Variants in GLIS3 observed in about 807,000 individuals in gnomAD.
The protein encoded by GLIS3 is GLIS family zinc finger 3.
Under a neutral mutation model 78.6 loss-of-function variants are expected in GLIS3, and 53 were observed. The ratio of observed to expected loss-of-function variants is 0.67; its 90% CI spans 0.54 to 0.85. The LOEUF (loss-of-function observed/expected upper bound fraction) is 0.85, where lower values mean the gene tolerates loss of function less well. GLIS3 is among the 40% of genes least tolerant of loss of function. The pLI, the probability that GLIS3 is intolerant of heterozygous loss-of-function variation, is 0.00. For missense variants in GLIS3, 1,703 were observed against 1,231.1 expected (o/e 1.38, Z -5.74); for synonymous variants, 684 against 509.9 (o/e 1.34, Z -4.60).
the GLIS3 span, among the ~76,000 whole-genome samples, chr9:4,478,042 T>A: frequency 3.9e-5 from 6 of 152,292 alleles, no homozygotes; most frequent in South Asian, 1.0e-3. Flanking sequence ...CTATTTCCCA[T>A]GAACCGGAAC....
At chr9:4,123,975 G>A in intron 3 of GLIS3, 1 of 388,292 alleles carries the variant, frequency 2.6e-6, no homozygotes, top group African/African-American at 2.1e-5. Context: ...TGCCCCCAAT[G>A]TATAAAACGC....
chr9:4,172,651 T>A (rs1052901392), intron 2 of GLIS3, among the ~76,000 whole-genome samples: 3 of 152,192 alleles, frequency 2.0e-5, no homozygotes, highest in African/African-American at 7.2e-5. Context: ...GGATGTGTCA[T>A]CTGAAATGAA....
At chr9:3,896,871 C>G (rs1822881730) in intron 7 of GLIS3, among the ~76,000 whole-genome samples, 1 of 152,036 alleles carries the variant, frequency 6.6e-6, no homozygotes, top group African/African-American at 2.4e-5. Context: ...AGGAGGCAAA[C>G]CTACCACAGC....
At chr9:4,478,791 T>C in the GLIS3 span, among the ~76,000 whole-genome samples, 1 of 152,190 alleles carries the variant, frequency 6.6e-6, no homozygotes, top group South Asian at 2.1e-4. Flanking sequence ...TTAGAATGAA[T>C]TTTTTAAAGG....
At chr9:4,361,460 C>T in the GLIS3 span, among the ~76,000 whole-genome samples, 2 of 152,318 alleles carry the variant, frequency 1.3e-5, no homozygotes, top group Non-Finnish European at 2.9e-5. Context: ...GACAACAGTT[C>T]ATATAAATAC....
chr9:4,214,779 G>C (rs752746032), intron 2 of GLIS3, among the ~76,000 whole-genome samples: 1 of 152,152 alleles, frequency 6.6e-6, no homozygotes, highest in South Asian at 2.1e-4. Flanking sequence ...ACACCATTGA[G>C]ATTACAAATT....
intron 4 of GLIS3, chr9:4,070,765 C>T (rs1827529981): frequency 1.3e-5 from 2 of 152,116 alleles, no homozygotes; most frequent in East Asian, 3.9e-4. Flanking sequence ...ATTATGCAAT[C>T]AACTAATCAA....
At chr9:4,356,499 G>T in the GLIS3 span, among the ~76,000 whole-genome samples, 2 of 152,184 alleles carry the variant, frequency 1.3e-5, no homozygotes, top group Admixed American at 1.3e-4. Context: ...TGGACAATGG[G>T]AATGACTGAC....
At chr9:3,913,291 T>C (rs114397461) in intron 6 of GLIS3, among the ~76,000 whole-genome samples, 1,739 of 152,368 alleles carry the variant, frequency 0.011, 37 homozygotes, top group African/African-American at 0.04. Context: ...TTGAAGACTG[T>C]CGTTTCAATG....
chr9:4,278,746 C>G (rs898139585), intron 2 of GLIS3, among the ~76,000 whole-genome samples: 4 of 152,184 alleles, frequency 2.6e-5, no homozygotes, highest in African/African-American at 9.7e-5. Context: ...GATATTCGCA[C>G]AAGGTTACTT....
At chr9:3,858,745 G>C (rs1434075243) in intron 8 of GLIS3, among the ~76,000 whole-genome samples, 1 of 152,106 alleles carries the variant, frequency 6.6e-6, no homozygotes, top group Non-Finnish European at 1.5e-5. Flanking sequence ...TATACATGTA[G>C]AGAAATAAAA....
chr9:4,480,490 C>T, the GLIS3 span, among the ~76,000 whole-genome samples: 1 of 152,032 alleles, frequency 6.6e-6, no homozygotes, highest in Non-Finnish European at 1.5e-5. Context: ...CATGGGCCAC[C>T]ATGCCCAGCC....
chr9:3,938,473 A>G lies in GLIS3; in HGVS notation c.1711-1284T>C, dbSNP rs554941227. ...GACATTGTTCACAACAGAATGATCT[A>G]GAGCTGGCCAGGTTTTGGTTATTGG... On this transcript the variant is annotated intron_variant, in intron 4 of 10. Coordinates refer to ENST00000381971, the MANE Select transcript of GLIS3 (RefSeq NM_001042413.2). Among the ~76,000 whole-genome samples, 52 of 152,312 alleles carry G rather than the reference A, an allele frequency of 3.4e-4. 1 individual carries two copies. Among genetic ancestry groups the G allele is most frequent in the Non-Finnish European group, 5.4e-4 (37 of 68,020 alleles).
chr9:4,211,880 G>C (rs1327726359), intron 2 of GLIS3, among the ~76,000 whole-genome samples: 1 of 152,184 alleles, frequency 6.6e-6, no homozygotes, highest in Non-Finnish European at 1.5e-5. Flanking sequence ...AGCATGGATT[G>C]ACCTTGAAAA....
chr9:4,339,989 C>G (rs972750816), intron 2 of GLIS3, among the ~76,000 whole-genome samples: 2 of 151,010 alleles, frequency 1.3e-5, no homozygotes, highest in African/African-American at 4.9e-5. Context: ...TTGGTATTGA[C>G]CAAGACACAA....
intron 3 of GLIS3, 141 bp from the exon 4 acceptor site, chr9:4,119,022 T>C (rs1287229097): frequency 6.6e-6 from 6 of 907,198 alleles, no homozygotes; most frequent in Admixed American, 5.1e-5. Flanking sequence ...ACACACATTC[T>C]TGGGCTAAGA....
At position 3,824,809 on chromosome 9, in the gene GLIS3, C is replaced by G. The variant is rs1430387071; in HGVS notation, c.*3463G>C. Reference sequence around the variant, plus strand: ...ATTTCCACTTTTTTCCCCCAAAGTGCTTTATGTCAGCAACATTACACAGGA... The same window carrying G: ...ATTTCCACTTTTTTCCCCCAAAGTGGTTTATGTCAGCAACATTACACAGGA... On this transcript the variant is annotated 3_prime_UTR_variant, in exon 11 of 11. Coordinates refer to ENST00000381971, the MANE Select transcript of GLIS3 (RefSeq NM_001042413.2). 1 of 151,292 alleles carries G rather than the reference C, an allele frequency of 6.6e-6. No homozygotes were observed. The highest frequency in any genetic ancestry group is 1.5e-5 in the Non-Finnish European group (1 of 67,938). 9.4% of individuals were successfully genotyped at this position (151,292 alleles called of 1,614,324 possible).
At chr9:3,886,888 T>C (rs1425148193) in intron 7 of GLIS3, among the ~76,000 whole-genome samples, 1 of 152,204 alleles carries the variant, frequency 6.6e-6, no homozygotes. Flanking sequence ...AATCTTAGCC[T>C]TGCTGCCAAT....
chr9:4,294,524 T>A (rs1019997820), intron 1 of GLIS3, among the ~76,000 whole-genome samples: 3 of 149,798 alleles, frequency 2.0e-5, no homozygotes, highest in Non-Finnish European at 4.5e-5. Context: ...AAAAAAAAAA[T>A]TACAGAATAA....
Sources: allele counts gnomAD v4.1 joint callset (sites outside exome capture counted in the v4.1 genomes callset), GRCh38; gene constraint gnomAD v4.1.1; transcripts MANE v1.5; gene names NCBI Gene and HGNC (gene_info 2026-07-23, HGNC 2026-07-21).